The following TDP2 variants were observed in gnomAD, a reference collection of about 807,000 sequenced individuals.
TDP2 encodes the protein tyrosyl-DNA phosphodiesterase 2, also known as 5'-Tyr-DNA phosphodiesterase.
TDP2 carries 38 observed loss-of-function variants against 42.8 expected under a neutral mutation model. The ratio of observed to expected loss-of-function variants is 0.89; its 90% confidence interval spans 0.68 to 1.16. TDP2 has a LOEUF of 1.16. Among genes scored for constraint, TDP2 ranks in the 50% most tolerant of loss-of-function variants. The pLI, the probability that TDP2 is intolerant of heterozygous loss-of-function variation, is 0.00. For missense variants in TDP2, 439 were observed against 439.3 expected (o/e 1.00, Z 0.01); for synonymous variants, 173 against 150.6 (o/e 1.15, Z -1.09).
chr6:24,660,967 A>G (rs1406739665), intron 2 of TDP2, among the ~76,000 whole-genome samples: 1 of 152,190 alleles, frequency 6.6e-6, no homozygotes, highest in African/African-American at 2.4e-5. Context: ...CAAGCATCTG[A>G]TATGGAGCTT....
chr6:24,665,364 C>T (rs1031715489), intron 2 of TDP2, among the ~76,000 whole-genome samples: 4 of 152,246 alleles, frequency 2.6e-5, no homozygotes, highest in African/African-American at 9.6e-5. Flanking sequence ...CCTAGTCCAA[C>T]TTGCTCTGGT....
intron 2 of TDP2, among the ~76,000 whole-genome samples, chr6:24,664,348 C>G (rs1210595338): frequency 2.1e-5 from 3 of 142,700 alleles, no homozygotes; most frequent in Non-Finnish European, 4.6e-5. Context: ...AAAAAAAAAG[C>G]CAATAAGGAA....
chr6:24,655,844 T>C (rs939895218), intron 4 of TDP2, among the ~76,000 whole-genome samples: 7 of 152,190 alleles, frequency 4.6e-5, no homozygotes, highest in African/African-American at 1.7e-4. Context: ...GGCCTGTATA[T>C]ACCAACACAC....
Position 24,658,627 on chromosome 6 carries a change from T to G in TDP2, c.359A>C (p.Asn120Thr). Reference protein sequence around the residue: ...NGSMFSLITWNIDGLDLNNLS... With the variant: ...NGSMFSLITWTIDGLDLNNLS... ...ATTGTTTAGATCTAATCCATCAATA[T>G]TCCAGGTAATGAGAGAGAACATGCT... Residue 120 changes from asparagine (N) to threonine (T), a missense_variant, in exon 3 of 7, where the codon AAT becomes ACT. Physicochemically the swap from Asn to Thr is moderately conservative, Grantham distance 65 (BLOSUM62 0). Coordinates refer to ENST00000378198, the MANE Select transcript of TDP2 (RefSeq NM_016614.3). 1 of 1,614,024 alleles carries G rather than the reference T, an allele frequency of 6.2e-7. No individual in the cohort carries two copies. Among genetic ancestry groups the G allele is most frequent in the African/African-American group, 1.3e-5 (1 of 75,054 alleles).
chr6:24,654,314 A>T (rs1778023778), intron 5 of TDP2, 98 bp downstream of exon 5: 4 of 600,070 alleles, frequency 6.7e-6, no homozygotes, highest in Non-Finnish European at 1.1e-5. Context: ...TGTGAAGCAA[A>T]TTTTTCTCTA....
intron 2 of TDP2, among the ~76,000 whole-genome samples, chr6:24,660,013 G>A (rs768641251): frequency 2.0e-5 from 3 of 152,136 alleles, no homozygotes; most frequent in African/African-American, 4.8e-5. Flanking sequence ...TGAGTGGAGG[G>A]ACAAACTTTA....
rs769412827 is a variant in TDP2 at position 24,653,014 on chromosome 6, A to G, written c.776T>C (p.Phe259Ser). Reference protein sequence around the residue: ...QEAPESATVIFAGDTNLRDRE... With the variant: ...QEAPESATVISAGDTNLRDRE... ...ATCCCTTAGATTTGTATCTCCTGCAAATATAACTGTAGCTGACTCTGGAGC... is the reference window on the plus strand; with the variant it reads ...ATCCCTTAGATTTGTATCTCCTGCAGATATAACTGTAGCTGACTCTGGAGC... Residue 259 changes from phenylalanine (F) to serine (S), a missense_variant, in exon 6 of 7, where the codon TTT (phenylalanine) becomes TCT (serine). Phe to Ser is a radical substitution (Grantham distance 155, BLOSUM62 -2). Transcript: ENST00000378198. The G allele has an allele frequency of 6.2e-7, 1 of 1,613,920 alleles. No homozygotes were observed. Among genetic ancestry groups the G allele is most frequent in the South Asian group, 1.1e-5 (1 of 91,080 alleles).
At chr6:24,654,600 C>T (rs1778030676) in intron 4 of TDP2, 70 bp from the exon 5 acceptor site, 6 of 812,544 alleles carry the variant, frequency 7.4e-6, no homozygotes, top group Non-Finnish European at 1.0e-5. Context: ...CACAAGTTTG[C>T]CTATTGAAGA....
chr6:24,661,055 T>C (rs2127618355), intron 2 of TDP2, among the ~76,000 whole-genome samples: 1 of 152,334 alleles, frequency 6.6e-6, no homozygotes, highest in African/African-American at 2.4e-5. Context: ...GAAGTTATAA[T>C]TTTCCCCATC....
rs1554187931 is a variant in TDP2, at chr6:24,652,738, T to TAC, written c.807+243_807+244dup. Among the ~76,000 whole-genome samples the TAC allele has an allele frequency of 3.4e-3, 516 of 152,080 alleles. 1 individual carries two copies. Among genetic ancestry groups the TAC allele is most frequent in the African/African-American group, 0.011 (468 of 41,496 alleles). Reference sequence around the variant, plus strand: ...CTTTCTAATCCTATATATATATATATACACACACACATATAGTTTAGTGTT... The same window carrying TAC: ...CTTTCTAATCCTATATATATATATATACACACACACACATATAGTTTAGTGTT... On this transcript the variant is annotated intron_variant, in intron 6 of 6. Transcript: ENST00000378198.
At chr6:24,665,952 TA>T in intron 2 of TDP2, 2 of 880,836 alleles carry the variant, frequency 2.3e-6, no homozygotes, top group Non-Finnish European at 1.5e-6. Context: ...TGGAAAAAAG[TA>T]AAAGTTTGAT....
At chr6:24,662,541 G>A (rs1012007682) in intron 2 of TDP2, among the ~76,000 whole-genome samples, 4 of 151,946 alleles carry the variant, frequency 2.6e-5, no homozygotes, top group Non-Finnish European at 4.4e-5. Flanking sequence ...CTTTGCTCAC[G>A]TTTTCCTGCT....
chr6:24,654,071 T>C (rs1273105857), intron 5 of TDP2, among the ~76,000 whole-genome samples: 2 of 152,210 alleles, frequency 1.3e-5, no homozygotes, highest in African/African-American at 4.8e-5. Flanking sequence ...TACTAATCTA[T>C]ATACTATATC....
intron 4 of TDP2, among the ~76,000 whole-genome samples, chr6:24,656,279 T>C (rs1778060079): frequency 1.3e-5 from 2 of 151,528 alleles, no homozygotes; most frequent in Non-Finnish European, 2.9e-5. Context: ...GAACAGTCAA[T>C]AGAGATAGGA....
At chr6:24,653,381 T>C (rs2127617081) in intron 5 of TDP2, among the ~76,000 whole-genome samples, 1 of 152,324 alleles carries the variant, frequency 6.6e-6, no homozygotes, top group Admixed American at 6.5e-5. Context: ...TCACCTCCAC[T>C]GTGAACCTTT....
chr6:24,657,912 A>T lies in TDP2; in HGVS notation c.426-9T>A. ...TCACATCTGGGCTGTACCTAATGAA[A>T]AACATCAATTTATGACAAATACCAA... On this transcript the variant is annotated splice_polypyrimidine_tract_variant and intron_variant, in intron 3 of 6. Transcript: ENST00000378198. 1 of 1,505,482 alleles carries T rather than the reference A, an allele frequency of 6.6e-7. No individual in the cohort carries two copies. Among genetic ancestry groups the T allele is most frequent in the Non-Finnish European group, 9.0e-7 (1 of 1,110,232 alleles). 93.3% of individuals were successfully genotyped at this position (1,505,482 alleles called of 1,614,324 possible). A position where few individuals can be genotyped will look rare whatever the true frequency, so the allele number is the denominator to read the frequency against.
At chr6:24,658,217 A>G (rs910150732) in intron 3 of TDP2, among the ~76,000 whole-genome samples, 1 of 152,260 alleles carries the variant, frequency 6.6e-6, no homozygotes, top group Non-Finnish European at 1.5e-5. Flanking sequence ...AGCAGTTATT[A>G]ACCACAATGA....
Position 24,651,022 on chromosome 6 carries a change from C to T in TDP2, c.855G>A (p.Glu285=). The change falls in exon 7 of 7, where the codon GAG becomes GAA. Residue 285 remains glutamate, a synonymous_variant. Coordinates refer to ENST00000378198, the MANE Select transcript of TDP2 (RefSeq NM_016614.3). ...GLPNNIVDVW[E]FLGKPKHCQY... ...GGCAATGTTTAGGTTTGCCCAAAAA[C>T]TCCCAGACATCCACAATGTTGTTGG... 1 of 1,613,692 alleles carries T rather than the reference C, an allele frequency of 6.2e-7. No homozygotes were observed. Among genetic ancestry groups the T allele is most frequent in the Non-Finnish European group, 8.5e-7 (1 of 1,179,950 alleles).
chr6:24,664,519 C>CTAAA (rs1268837836), intron 2 of TDP2, among the ~76,000 whole-genome samples: 1 of 152,028 alleles, frequency 6.6e-6, no homozygotes, highest in Non-Finnish European at 1.5e-5. Context: ...ATGTAGGGGA[C>CTAAA]TAAATCACTT....
Sources: gnomAD v4.1 joint callset for allele counts (sites outside exome capture counted in the v4.1 genomes callset) on GRCh38, gnomAD v4.1.1 for gene constraint, MANE v1.5 for transcripts, NCBI Gene and HGNC (gene_info 2026-07-23, HGNC 2026-07-21) for gene names.